Variants in PDLIM5 observed in about 807,000 individuals in gnomAD.
The protein encoded by PDLIM5 is PDZ and LIM domain protein 5.
Under a neutral mutation model 64.2 loss-of-function variants are expected in PDLIM5, and 34 were observed. The observed-to-expected ratio is 0.53, with a 90% CI of 0.40 to 0.71. The LOEUF (loss-of-function observed/expected upper bound fraction) is 0.71. PDLIM5 is among the 30% of genes least tolerant of loss of function. The pLI is 0.00. For missense variants in PDLIM5, 683 were observed against 733.6 expected (o/e 0.93, Z 0.80); for synonymous variants, 253 against 269.1 (o/e 0.94, Z 0.59).
intron 2 of PDLIM5, among the ~76,000 whole-genome samples, chr4:94,481,026 T>C (rs1180352652): frequency 6.6e-6 from 1 of 152,234 alleles, no homozygotes; most frequent in Non-Finnish European, 1.5e-5. Context: ...GTATTTGCTG[T>C]GCATATTTCT....
At chr4:94,608,915 A>T (rs1738140450) in intron 7 of PDLIM5, among the ~76,000 whole-genome samples, 1 of 152,142 alleles carries the variant, frequency 6.6e-6, no homozygotes, top group Admixed American at 6.5e-5. Context: ...CTAACCATTC[A>T]TTAACAGTTG....
intron 8 of PDLIM5, among the ~76,000 whole-genome samples, chr4:94,628,784 C>T (rs1739905027): frequency 6.6e-6 from 1 of 152,086 alleles, no homozygotes; most frequent in Non-Finnish European, 1.5e-5. Flanking sequence ...ATGGTTTTCT[C>T]ATCCAAATAT....
intron 2 of PDLIM5, among the ~76,000 whole-genome samples, chr4:94,491,270 G>A (rs1726847455): frequency 6.6e-6 from 1 of 152,106 alleles, no homozygotes; most frequent in Non-Finnish European, 1.5e-5. Flanking sequence ...AGCTTTTGAG[G>A]TATTCAGGTG....
intron 5 of PDLIM5, among the ~76,000 whole-genome samples, chr4:94,583,887 A>G (rs1735948063): frequency 1.3e-5 from 2 of 152,124 alleles, no homozygotes; most frequent in South Asian, 4.2e-4. Flanking sequence ...TATCTATCTT[A>G]TTTGTTCTTA....
rs78922242 is a variant in PDLIM5, at chr4:94,600,671, T to A, written c.920+14227T>A. On this transcript the variant is annotated intron_variant, in intron 7 of 12. Coordinates refer to ENST00000317968, the MANE Select transcript of PDLIM5 (RefSeq NM_006457.5). ...TAGTATAAATCTCTGAAGTCATGGA[T>A]CAGAATGATCCAGTGAAGAAACTGA... Among the ~76,000 whole-genome samples the A allele has an allele frequency of 1.4e-4, 22 of 152,262 alleles. No individual in the cohort carries two copies. The East Asian group carries it at 3.5e-3, about 24-fold the overall frequency.
At chr4:94,502,310 G>A (rs1727997774) in intron 2 of PDLIM5, among the ~76,000 whole-genome samples, 1 of 152,168 alleles carries the variant, frequency 6.6e-6, no homozygotes, top group Admixed American at 6.5e-5. Flanking sequence ...AGAACAGATA[G>A]TGAGATTGAG....
rs777474003 is a variant in PDLIM5 at position 94,618,205 on chromosome 4, A to G, written c.1108+14A>G. The G allele has an allele frequency of 5.8e-6, 9 of 1,559,728 alleles. No homozygotes were observed. Among genetic ancestry groups the G allele is most frequent in the Non-Finnish European group, 7.8e-6 (9 of 1,147,474 alleles). ...CAAACCAAGGAGGTAGCCCAGAGAA[A>G]TCTCTTGCGTCTTGCTTTTCGTAAT... On this transcript the variant is annotated intron_variant, in intron 8 of 12. Transcript: ENST00000317968.
In PDLIM5 at chr4:94,659,484, A is replaced by ATGTG. The variant is rs1477746279; in HGVS notation, c.1585+1938_1585+1939insGTGT. ...AGCAGGCATAGAGCAGCTGTAGTAT[A>ATGTG]TATGTGTGTATGTGTGTGTGTGTGT... On this transcript the variant is annotated intron_variant, in intron 11 of 12. Coordinates refer to ENST00000317968, the MANE Select transcript of PDLIM5 (RefSeq NM_006457.5). Among the ~76,000 whole-genome samples the ATGTG allele has an allele frequency of 1.5e-3, 205 of 133,780 alleles. 3 individuals are homozygous for ATGTG. The highest frequency in any genetic ancestry group is 4.0e-3 in the East Asian group (17 of 4,214). The allele number at this position is 133,780 out of a possible 152,430, so 87.8% of individuals were successfully genotyped here.
chr4:94,561,801 C>G (rs948640116), intron 3 of PDLIM5, among the ~76,000 whole-genome samples: 1 of 152,166 alleles, frequency 6.6e-6, no homozygotes, highest in African/African-American at 2.4e-5. Flanking sequence ...TTAGTCATCA[C>G]CAAAGAGGGG....
At chr4:94,482,372 A>G (rs1578229358) in intron 2 of PDLIM5, among the ~76,000 whole-genome samples, 1 of 152,152 alleles carries the variant, frequency 6.6e-6, no homozygotes, top group African/African-American at 2.4e-5. Flanking sequence ...GAGATTAACT[A>G]ATAAATATCT....
intron 7 of PDLIM5, chr4:94,608,195 TG>T: frequency 6.6e-7 from 1 of 1,511,838 alleles, no homozygotes; most frequent in Non-Finnish European, 8.9e-7. Flanking sequence ...TCTTCCTTCT[TG>T]GTGTTTCTAA....
intron 7 of PDLIM5, among the ~76,000 whole-genome samples, chr4:94,592,053 T>A (rs141139039): frequency 2.0e-5 from 3 of 152,384 alleles, no homozygotes; most frequent in African/African-American, 7.2e-5. Context: ...CTGAAAGTCA[T>A]GTGGAAGTCA....
chr4:94,527,249 G>A (rs1730454473), intron 3 of PDLIM5, among the ~76,000 whole-genome samples: 1 of 150,808 alleles, frequency 6.6e-6, no homozygotes, highest in Non-Finnish European at 1.5e-5. Context: ...TAGAGACAGG[G>A]TTTCACCATG....
At chr4:94,641,117 GCAC>G (rs1740971457) in intron 9 of PDLIM5, among the ~76,000 whole-genome samples, 1 of 152,154 alleles carries the variant, frequency 6.6e-6, no homozygotes, top group Admixed American at 6.5e-5. Context: ...GGTGGTGTAG[GCAC>G]CAGTGCTGAT....
chr4:94,639,035 A>T (rs536474347), intron 8 of PDLIM5, among the ~76,000 whole-genome samples: 1 of 152,316 alleles, frequency 6.6e-6, no homozygotes, highest in South Asian at 2.1e-4. Flanking sequence ...TTGGGGAGAA[A>T]TGTAATTCAG....
intron 2 of PDLIM5, among the ~76,000 whole-genome samples, chr4:94,489,737 G>A (rs1726686851): frequency 6.6e-6 from 1 of 151,944 alleles, no homozygotes; most frequent in Non-Finnish European, 1.5e-5. Context: ...ACCAGCCTGG[G>A]CAACATAGGG....
chr4:94,614,402 ACT>A (rs1738612689), intron 7 of PDLIM5, among the ~76,000 whole-genome samples: 1 of 152,170 alleles, frequency 6.6e-6, no homozygotes, highest in Non-Finnish European at 1.5e-5. Context: ...GGCATGAACT[ACT>A]GTGCCCAGCC....
intron 8 of PDLIM5, among the ~76,000 whole-genome samples, chr4:94,639,034 A>G (rs1341692150): frequency 1.3e-5 from 2 of 152,188 alleles, no homozygotes; most frequent in African/African-American, 4.8e-5. Context: ...GTTGGGGAGA[A>G]ATGTAATTCA....
At chr4:94,461,442 CTTG>C (rs1279304403) in intron 2 of PDLIM5, among the ~76,000 whole-genome samples, 1 of 151,908 alleles carries the variant, frequency 6.6e-6, no homozygotes, top group Non-Finnish European at 1.5e-5. Context: ...ACTATATAGT[CTTG>C]TTGAGAAGGC....
Sources: gnomAD v4.1 joint callset for allele counts (sites outside exome capture counted in the v4.1 genomes callset) on GRCh38, gnomAD v4.1.1 for gene constraint, MANE v1.5 for transcripts, NCBI Gene and HGNC (gene_info 2026-07-23, HGNC 2026-07-21) for gene names.